The following MAF variants were observed in gnomAD, a reference collection of about 807,000 sequenced individuals.
MAF encodes transcription factor Maf.
MAF carries 10 observed loss-of-function variants against 22.0 expected under a neutral mutation model. The ratio of observed to expected loss-of-function variants is 0.45; its 90% CI spans 0.28 to 0.77. The LOEUF (loss-of-function observed/expected upper bound fraction) is 0.77. MAF is among the 30% of genes least tolerant of loss of function. The pLI is 0.12. For missense variants in MAF, 544 were observed against 548.4 expected (o/e 0.99, Z 0.08); for synonymous variants, 337 against 255.8 (o/e 1.32, Z -3.03).
chr16:79,510,658 T>C, the MAF span, among the ~76,000 whole-genome samples: 9 of 152,158 alleles, frequency 5.9e-5, no homozygotes, highest in African/African-American at 1.9e-4. Flanking sequence ...AAGCACACAA[T>C]AGGGACAGCT....
the MAF span, among the ~76,000 whole-genome samples, chr16:79,532,832 G>A: frequency 2.6e-5 from 4 of 152,316 alleles, no homozygotes; most frequent in African/African-American, 7.2e-5. Context: ...CATGGACCTT[G>A]TCTCGCCCTC....
chr16:79,476,478 T>C, the MAF span, among the ~76,000 whole-genome samples: 1 of 152,218 alleles, frequency 6.6e-6, no homozygotes, highest in Non-Finnish European at 1.5e-5. Flanking sequence ...GCATCGACAT[T>C]TGAAAGAGTG....
chr16:79,413,313 G>A, the MAF span, among the ~76,000 whole-genome samples: 1 of 132,808 alleles, frequency 7.5e-6, no homozygotes, highest in Non-Finnish European at 1.5e-5. Context: ...CGCAGCCTCG[G>A]CTCACTGCAA....
the MAF span, among the ~76,000 whole-genome samples, chr16:79,352,197 T>C: frequency 1.3e-5 from 2 of 152,128 alleles, no homozygotes; most frequent in Non-Finnish European, 2.9e-5. Flanking sequence ...AAATCATCCT[T>C]TCAGCTTCAG....
the MAF span, among the ~76,000 whole-genome samples, chr16:79,445,252 C>T: frequency 2.6e-5 from 4 of 151,750 alleles, no homozygotes; most frequent in Non-Finnish European, 5.9e-5. Context: ...ACCATGTTAG[C>T]CAGGATGGTC....
chr16:79,423,090 GC>G, the MAF span, among the ~76,000 whole-genome samples: 1 of 152,164 alleles, frequency 6.6e-6, no homozygotes, highest in Non-Finnish European at 1.5e-5. Flanking sequence ...AGATAGGGTT[GC>G]CAAGTAAAAT....
At chr16:79,300,624 G>A in the MAF span, among the ~76,000 whole-genome samples, 2 of 149,904 alleles carry the variant, frequency 1.3e-5, no homozygotes, top group Non-Finnish European at 3.0e-5. Context: ...TAGGGTTTTT[G>A]CAAGTTCCTA....
chr16:79,487,315 A>G, the MAF span, among the ~76,000 whole-genome samples: 6 of 152,104 alleles, frequency 3.9e-5, no homozygotes. Flanking sequence ...TAAGGGAGGC[A>G]TCGACGGAAA....
chr16:79,286,968 A>C, the MAF span, among the ~76,000 whole-genome samples: 3 of 152,174 alleles, frequency 2.0e-5, no homozygotes, highest in African/African-American at 7.2e-5. Flanking sequence ...ACAGACAAAA[A>C]AACCCTTTGG....
chr16:79,260,719 G>A, the MAF span, among the ~76,000 whole-genome samples: 1 of 152,062 alleles, frequency 6.6e-6, no homozygotes, highest in Non-Finnish European at 1.5e-5. Context: ...GGTGTTATGT[G>A]AATAAATGTT....
chr16:79,490,574 G>C, the MAF span, among the ~76,000 whole-genome samples: 1 of 151,810 alleles, frequency 6.6e-6, no homozygotes, highest in Non-Finnish European at 1.5e-5. Flanking sequence ...TCAGATATAT[G>C]GTTAAATGAA....
At chr16:79,564,530 G>A in the MAF span, among the ~76,000 whole-genome samples, 2 of 152,244 alleles carry the variant, frequency 1.3e-5, no homozygotes, top group East Asian at 3.9e-4. Context: ...CTTCCACTGG[G>A]CACATCCTGA....
At chr16:79,457,102 G>C in the MAF span, among the ~76,000 whole-genome samples, 5 of 152,086 alleles carry the variant, frequency 3.3e-5, no homozygotes, top group African/African-American at 1.2e-4. Flanking sequence ...AGAATCACAA[G>C]TGTTGATTTG....
chr16:79,202,721 T>G, the MAF span: 2 of 152,226 alleles, frequency 1.3e-5, no homozygotes, highest in Admixed American at 6.5e-5. Flanking sequence ...CTTCATATTA[T>G]AAAAGTACCT....
chr16:79,592,786 C>T (rs1042851871), downstream of MAF, among the ~76,000 whole-genome samples: 1 of 152,102 alleles, frequency 6.6e-6, no homozygotes, highest in Non-Finnish European at 1.5e-5. Context: ...CTAAAAAAAA[C>T]CAAACAAACA....
the MAF span, among the ~76,000 whole-genome samples, chr16:79,278,264 G>C: frequency 6.6e-6 from 1 of 152,212 alleles, no homozygotes; most frequent in Non-Finnish European, 1.5e-5. Flanking sequence ...AGGGGAAAGT[G>C]AATCTTTAGC....
chr16:79,516,941 G>T, the MAF span, among the ~76,000 whole-genome samples: 2 of 152,304 alleles, frequency 1.3e-5, no homozygotes, highest in East Asian at 1.9e-4. Context: ...GCTAGGAAAA[G>T]GTTGAGAACC....
At chr16:79,226,741 T>C in the MAF span, among the ~76,000 whole-genome samples, 1 of 152,104 alleles carries the variant, frequency 6.6e-6, no homozygotes, top group South Asian at 2.1e-4. Context: ...CTCATCTATA[T>C]TCCCCACATT....
the MAF span, among the ~76,000 whole-genome samples, chr16:79,339,095 G>A: frequency 8.0e-5 from 12 of 150,938 alleles, no homozygotes; most frequent in East Asian, 1.9e-4. Flanking sequence ...TTTTTGAGAC[G>A]GAGTCTCACT....
Sources: allele counts gnomAD v4.1 joint callset (sites outside exome capture counted in the v4.1 genomes callset), GRCh38; gene constraint gnomAD v4.1.1; transcripts MANE v1.5; gene names NCBI Gene and HGNC (gene_info 2026-07-23, HGNC 2026-07-21).